Variants in MEF2C observed in about 807,000 individuals in gnomAD.
MEF2C encodes myocyte enhancer factor 2C.
Under a neutral mutation model 50.5 loss-of-function variants are expected in MEF2C, and 6 were observed. That is an observed-to-expected ratio of 0.12 (90% CI 0.07 to 0.23). MEF2C has a LOEUF of 0.23. Ranked by LOEUF, MEF2C falls within the 10% of genes least tolerant of loss-of-function variation. The pLI, the probability that MEF2C is intolerant of heterozygous loss-of-function variation, is 1.00. For missense variants in MEF2C, 276 were observed against 605.0 expected, an observed-to-expected ratio of 0.46 and a Z score of 5.70; for synonymous variants, 183 against 228.0, an observed-to-expected ratio of 0.80 and a Z score of 1.78.
chr5:88,857,703 A>G (rs772956748), intron 1 of MEF2C, among the ~76,000 whole-genome samples: 3 of 152,168 alleles, frequency 2.0e-5, no homozygotes, highest in Non-Finnish European at 4.4e-5. Flanking sequence ...TCCTTCGCTC[A>G]AAACTTATTC....
At chr5:88,737,163 G>A (rs905748840) in intron 6 of MEF2C, 18 of 985,210 alleles carry the variant, frequency 1.8e-5, no homozygotes, top group Non-Finnish European at 2.0e-5. Flanking sequence ...AATGTAATGA[G>A]TAACTTGTTA....
chr5:88,870,029 T>C (rs1829030698), intron 1 of MEF2C, among the ~76,000 whole-genome samples: 1 of 151,674 alleles, frequency 6.6e-6, no homozygotes, highest in Admixed American at 6.6e-5. Flanking sequence ...TTTTAAACAA[T>C]GCTTTGACTT....
rs1454398605 is a variant in MEF2C at position 88,736,542 on chromosome 5, C to G, written c.638-4641G>C. The G allele has an allele frequency of 2.3e-6, 2 of 886,388 alleles. 1 individual carries two copies. The highest frequency in any genetic ancestry group is 1.2e-4 in the Admixed American group (2 of 16,010). The allele number at this position is 886,388 out of a possible 1,614,324, so 54.9% of individuals were successfully genotyped here. On this transcript the variant is annotated intron_variant, in intron 6 of 10. Coordinates refer to ENST00000504921, the MANE Select transcript of MEF2C (RefSeq NM_002397.5). Reference sequence around the variant, plus strand: ...AAAAAAAAAAAATATTTCAGCAACTCTCCATCTGGGCCTCTGGTCTCTACT... The same window carrying G: ...AAAAAAAAAAAATATTTCAGCAACTGTCCATCTGGGCCTCTGGTCTCTACT...
intron 1 of MEF2C, among the ~76,000 whole-genome samples, chr5:88,893,177 A>C (rs1434230989): frequency 6.6e-6 from 1 of 152,242 alleles, no homozygotes. Context: ...AAAATTTTAT[A>C]TCTGATATTC....
At chr5:88,898,425 A>G (rs917095005) in intron 1 of MEF2C, among the ~76,000 whole-genome samples, 1 of 152,140 alleles carries the variant, frequency 6.6e-6, no homozygotes, top group African/African-American at 2.4e-5. Flanking sequence ...GACCTCTACC[A>G]TTGGTGATAA....
chr5:88,797,010 C>A (rs1049955257), intron 3 of MEF2C, among the ~76,000 whole-genome samples: 1 of 152,150 alleles, frequency 6.6e-6, no homozygotes, highest in African/African-American at 2.4e-5. Context: ...GATTTGCATT[C>A]TTTTGCATTT....
chr5:88,901,894 T>G (rs1413467546), intron 1 of MEF2C, among the ~76,000 whole-genome samples: 1 of 151,986 alleles, frequency 6.6e-6, no homozygotes, highest in African/African-American at 2.4e-5. Flanking sequence ...ATATTTGAGC[T>G]ATATTTAATA....
chr5:88,867,260 G>A (rs911386307), intron 1 of MEF2C, among the ~76,000 whole-genome samples: 1 of 152,096 alleles, frequency 6.6e-6, no homozygotes, highest in African/African-American at 2.4e-5. Flanking sequence ...TTTTCCCTAA[G>A]ATGCCAGGCA....
At chr5:88,769,012 A>G (rs1297602278) in intron 3 of MEF2C, among the ~76,000 whole-genome samples, 1 of 152,220 alleles carries the variant, frequency 6.6e-6, no homozygotes, top group Non-Finnish European at 1.5e-5. Flanking sequence ...TTAATGCCAG[A>G]AAGTCATAAG....
Position 88,819,816 on chromosome 5 carries a change from C to T in MEF2C, c.54+3919G>A, listed in dbSNP as rs140495403. Among the ~76,000 whole-genome samples, 763 of 152,042 alleles carry T rather than the reference C, an allele frequency of 5.0e-3. 13 individuals are homozygous for T. The highest frequency in any genetic ancestry group is 0.017 in the African/African-American group (694 of 41,514). ...CACAGGTTCATTTACATACTGCATA[C>T]GGCTTTCAGACTACTAGGGCAGAGC... On this transcript the variant is annotated intron_variant, in intron 2 of 10. Transcript: ENST00000504921.
intron 1 of MEF2C, among the ~76,000 whole-genome samples, chr5:88,850,060 A>G (rs964039860): frequency 3.3e-5 from 5 of 151,900 alleles, no homozygotes; most frequent in Non-Finnish European, 7.4e-5. Context: ...AACATTAGGT[A>G]TATCTCCTAA....
At chr5:88,874,560 C>T (rs1436273516) in intron 1 of MEF2C, among the ~76,000 whole-genome samples, 1 of 151,858 alleles carries the variant, frequency 6.6e-6, no homozygotes, top group Non-Finnish European at 1.5e-5. Flanking sequence ...TTATCATATT[C>T]TTATAAGCTG....
rs1208864474 is a variant in MEF2C, at chr5:88,766,630, T to C, written c.259-5302A>G. Reference sequence around the variant, plus strand: ...TCAAGAATGTATATTTTCATCATCATCCTTTTCCTGTGCCTGCCCATTCTA... The same window carrying C: ...TCAAGAATGTATATTTTCATCATCACCCTTTTCCTGTGCCTGCCCATTCTA... On this transcript the variant is annotated intron_variant, in intron 3 of 10. Coordinates refer to ENST00000504921, the MANE Select transcript of MEF2C (RefSeq NM_002397.5). The C allele has an allele frequency of 3.0e-6, 3 of 985,030 alleles. No homozygotes were observed. In the African/African-American group the frequency reaches 5.2e-5, roughly 17 times the overall value. 61.0% of individuals were successfully genotyped at this position (985,030 alleles called of 1,614,324 possible). A position where few individuals can be genotyped will look rare whatever the true frequency, so the allele number is the denominator to read the frequency against.
intron 2 of MEF2C, among the ~76,000 whole-genome samples, chr5:88,820,062 A>G (rs1807500120): frequency 7.7e-6 from 1 of 129,374 alleles, no homozygotes; most frequent in African/African-American, 3.6e-5. Flanking sequence ...TTATTAATAA[A>G]AATTATTTGT....
chr5:88,785,579 G>A (rs572159485), intron 3 of MEF2C: 25 of 152,246 alleles, frequency 1.6e-4, no homozygotes, highest in Non-Finnish European at 3.4e-4. Context: ...TGAGTCACAG[G>A]AATAATTTTC....
intron 6 of MEF2C, chr5:88,735,646 A>G (rs1341290749): frequency 3.0e-6 from 3 of 984,574 alleles, no homozygotes; most frequent in Non-Finnish European, 3.6e-6. Flanking sequence ...ACAAGTTTGT[A>G]TATACTCATA....
chr5:88,773,107 A>G (rs555130885), intron 3 of MEF2C, among the ~76,000 whole-genome samples: 1 of 152,380 alleles, frequency 6.6e-6, no homozygotes, highest in Non-Finnish European at 1.5e-5. Flanking sequence ...AGTGTGTTAG[A>G]ACGAAGTTCT....
chr5:88,875,972 A>T (rs751550557), intron 1 of MEF2C, among the ~76,000 whole-genome samples: 5 of 151,924 alleles, frequency 3.3e-5, no homozygotes, highest in Non-Finnish European at 7.4e-5. Context: ...TGTGGATGTT[A>T]CAAAGAATTA....
chr5:88,749,233 G>A, intron 5 of MEF2C, 116 bp from the exon 6 acceptor site: 1 of 1,289,834 alleles, frequency 7.8e-7, no homozygotes, highest in South Asian at 2.2e-5. Context: ...AACTTGTAAA[G>A]TACAACCCAA....
Sources: allele counts gnomAD v4.1 joint callset (sites outside exome capture counted in the v4.1 genomes callset), GRCh38; gene constraint gnomAD v4.1.1; transcripts MANE v1.5; gene names NCBI Gene and HGNC (gene_info 2026-07-23, HGNC 2026-07-21).